PNO1: variants seen among roughly 807,000 people sequenced by gnomAD.
The protein encoded by PNO1 is RNA-binding protein PNO1.
In PNO1, 16 loss-of-function variants were observed where a neutral mutation model predicts 28.4. The observed-to-expected ratio is 0.56, with a 90% CI of 0.38 to 0.85. PNO1 has a LOEUF of 0.85. Ranked by LOEUF, PNO1 falls within the 40% of genes least tolerant of loss-of-function variation. PNO1 has a pLI of 0.00. For synonymous variants in PNO1, 115 were observed against 110.8 expected (o/e 1.04, Z -0.24); for missense variants, 304 against 312.2 (o/e 0.97, Z 0.20).
At chr2:68,165,598 C>T (rs928189210) in intron 5 of PNO1, among the ~76,000 whole-genome samples, 12 of 140,932 alleles carry the variant, frequency 8.5e-5, no homozygotes, top group Non-Finnish European at 1.5e-4. Context: ...CCTGTAATTT[C>T]AGCACTTTGG....
chr2:68,162,433 A>G, intron 4 of PNO1, 108 bp downstream of exon 4: 1 of 1,001,728 alleles, frequency 1.0e-6, no homozygotes, highest in Non-Finnish European at 1.5e-6. Context: ...ACTTATATAT[A>G]TATATATACA....
intron 5 of PNO1, among the ~76,000 whole-genome samples, chr2:68,172,032 G>A (rs933699161): frequency 2.6e-5 from 4 of 152,148 alleles, no homozygotes; most frequent in African/African-American, 9.7e-5. Flanking sequence ...GACCATGGAT[G>A]GAAGAGGCTG....
intron 5 of PNO1, among the ~76,000 whole-genome samples, chr2:68,172,686 C>G (rs538793006): frequency 6.6e-6 from 1 of 152,192 alleles, no homozygotes; most frequent in Non-Finnish European, 1.5e-5. Flanking sequence ...TATTCAGTAA[C>G]CAGCTCTGCC....
chr2:68,174,079 C>G (rs1674204824), intron 6 of PNO1, among the ~76,000 whole-genome samples: 1 of 152,170 alleles, frequency 6.6e-6, no homozygotes. Context: ...AATTGATCCA[C>G]TTAACCCATT....
At chr2:68,173,084 T>C (rs1674174644) in intron 5 of PNO1, 1 of 35,326 alleles carries the variant, frequency 2.8e-5, no homozygotes, top group Admixed American at 3.4e-4. Context: ...CTACAATGTC[T>C]TTTTTTTTTT....
chr2:68,174,506 A>C (rs1187094998), intron 6 of PNO1, among the ~76,000 whole-genome samples: 3 of 152,196 alleles, frequency 2.0e-5, no homozygotes, highest in African/African-American at 7.2e-5. Flanking sequence ...TACTATTTAC[A>C]TAGCATTTGC....
In PNO1 at chr2:68,166,270, C is replaced by G. The variant is rs1673993871; in HGVS notation, c.620+3607C>G. On this transcript the variant is annotated intron_variant, in intron 5 of 6. Coordinates refer to ENST00000263657, the MANE Select transcript of PNO1 (RefSeq NM_020143.4). ...AAATCCATGTATGTATGACTTGACTCTCCCAAAACTTAACTACTCCTGCTT... is the reference window on the plus strand; with the variant it reads ...AAATCCATGTATGTATGACTTGACTGTCCCAAAACTTAACTACTCCTGCTT... 2.6e-5 allele frequency among the ~76,000 whole-genome samples: 4 copies of G among 152,204 alleles called. No homozygotes were observed. The South Asian group carries it at 8.3e-4, about 32-fold the overall frequency.
Position 68,158,198 on chromosome 2 carries a change from CGAT to C in PNO1, c.207+59_207+61del. The C allele has an allele frequency of 4.0e-6, 6 of 1,497,720 alleles. 1 individual carries two copies. In the South Asian group the frequency reaches 7.7e-5, roughly 19 times the overall value. The allele number at this position is 1,497,720 out of a possible 1,614,324, so 92.8% of individuals were successfully genotyped here. ...GGCAAGGGCCAGACGCGGATCAAGCCGATGGCCTCTGGAGAATGTTGAAGCTGC... is the reference window on the plus strand; with the variant it reads ...GGCAAGGGCCAGACGCGGATCAAGCCGGCCTCTGGAGAATGTTGAAGCTGC... On this transcript the variant is annotated intron_variant, in intron 1 of 6. Transcript: ENST00000263657.
chr2:68,157,893 T>G lies in PNO1; in HGVS notation c.-42T>G, dbSNP rs745553956. On this transcript the variant is annotated 5_prime_UTR_variant, in exon 1 of 7. Transcript: ENST00000263657. Reference sequence around the variant, plus strand: ...GAGGCTGGCTTCTGCGTGGTGCAGCTGCGCACGTGTTTCAGCCGGCAGCGC... The same window carrying G: ...GAGGCTGGCTTCTGCGTGGTGCAGCGGCGCACGTGTTTCAGCCGGCAGCGC... The G allele has an allele frequency of 6.4e-7, 1 of 1,574,020 alleles. No homozygotes were observed. The highest frequency in any genetic ancestry group is 1.3e-5 in the African/African-American group (1 of 74,192).
chr2:68,167,791 C>G (rs781243087), intron 5 of PNO1, among the ~76,000 whole-genome samples: 1 of 152,234 alleles, frequency 6.6e-6, no homozygotes, highest in Non-Finnish European at 1.5e-5. Flanking sequence ...AAAGCCACCT[C>G]TTTCTAACAT....
At position 68,162,615 on chromosome 2, in the gene PNO1, A is replaced by C; in HGVS notation, c.572A>C (p.Lys191Thr). ...GRIAGKGGKT[K>T]FTIENVTRTR... ...ATCGCTGGCAAAGGAGGAAAAACCA[A>C]ATTCACCATAGAGAATGTGACACGG... is the stretch of plus-strand genomic sequence containing the variant. Residue 191 changes from lysine (K) to threonine (T), a missense_variant, in exon 5 of 7, where the codon AAA becomes ACA. Transcript: ENST00000263657. 6.2e-7 allele frequency: 1 copy of C among 1,613,822 alleles called. No individual in the cohort carries two copies. Among genetic ancestry groups the C allele is most frequent in the Non-Finnish European group, 8.5e-7 (1 of 1,179,732 alleles).
At chr2:68,170,832 T>C (rs1674114342) in intron 5 of PNO1, among the ~76,000 whole-genome samples, 1 of 152,182 alleles carries the variant, frequency 6.6e-6, no homozygotes, top group Admixed American at 6.5e-5. Context: ...TTCAACTCTT[T>C]TAGCTTATCT....
chr2:68,161,588 C>A, intron 2 of PNO1, 95 bp from the exon 3 acceptor site: 2 of 791,032 alleles, frequency 2.5e-6, no homozygotes, highest in Admixed American at 2.1e-5. Flanking sequence ...GAAGGAAATT[C>A]TCCAATAATG....
rs1252506501 is a variant in PNO1, at chr2:68,158,061, G to T, written c.127G>T (p.Asp43Tyr). 6.2e-7 allele frequency: 1 copy of T among 1,613,926 alleles called. No individual in the cohort carries two copies. Among genetic ancestry groups the T allele is most frequent in the Admixed American group, 1.7e-5 (1 of 60,008 alleles). ...EQLSAAGEGGDAGRMDTEEAR... is the reference protein window; with the variant it reads ...EQLSAAGEGGYAGRMDTEEAR... ...GCTGTCCGCAGCAGGAGAGGGCGGG[G>T]ATGCGGGCCGCATGGACACAGAGGA... Residue 43 changes from aspartate to tyrosine, a missense_variant, in exon 1 of 7, where the codon GAT becomes TAT. By Grantham distance (160) the Asp-to-Tyr change is radical (BLOSUM62 -3). Transcript: ENST00000263657.
chr2:68,165,746 T>C (rs1156409678), intron 5 of PNO1, among the ~76,000 whole-genome samples: 1 of 152,180 alleles, frequency 6.6e-6, no homozygotes, highest in Admixed American at 6.5e-5. Flanking sequence ...TAGTCTGTCA[T>C]TAAGTTTATT....
intron 5 of PNO1, among the ~76,000 whole-genome samples, chr2:68,165,377 A>AACC (rs1553401402): frequency 1.6e-5 from 1 of 61,800 alleles, no homozygotes; most frequent in East Asian, 6.3e-4. Flanking sequence ...AAAAAAAAAA[A>AACC]AACAACAAAA....
chr2:68,161,664 CTT>C lies in PNO1; in HGVS notation c.358-14_358-13del. 1 of 1,489,100 alleles carries C rather than the reference CTT, an allele frequency of 6.7e-7. No individual in the cohort carries two copies. The highest frequency in any genetic ancestry group is 9.4e-7 in the Non-Finnish European group (1 of 1,068,356). 92.2% of individuals were successfully genotyped at this position (1,489,100 alleles called of 1,614,324 possible). ...TTGATTCTCAACGGTATTTTGTACCCTTTTTTGTTTTTTAACAGACTTGTAAA... is the reference window on the plus strand; with the variant it reads ...TTGATTCTCAACGGTATTTTGTACCCTTTTGTTTTTTAACAGACTTGTAAA... On this transcript the variant is annotated splice_polypyrimidine_tract_variant and intron_variant, in intron 2 of 6. Transcript: ENST00000263657.
Position 68,174,939 on chromosome 2 carries a change from T to C in PNO1, c.*137T>C, listed in dbSNP as rs1674235600. ...CTTCTTCCATTCTCAGCCAGAAGCA[T>C]AAACAGAAAAGAAAGATTTAAGAGG... On this transcript the variant is annotated 3_prime_UTR_variant, in exon 7 of 7. Coordinates refer to ENST00000263657, the MANE Select transcript of PNO1 (RefSeq NM_020143.4). The C allele has an allele frequency of 1.8e-6, 1 of 546,212 alleles. No homozygotes were observed. The allele number at this position is 546,212 out of a possible 1,614,324, so 33.8% of individuals were successfully genotyped here.
chr2:68,163,557 A>G (rs1027676979), intron 5 of PNO1, among the ~76,000 whole-genome samples: 5 of 149,070 alleles, frequency 3.4e-5, no homozygotes, highest in African/African-American at 7.5e-5. Flanking sequence ...ACATACATAC[A>G]TACATACATA....
Sources: gnomAD v4.1 joint callset for allele counts (sites outside exome capture counted in the v4.1 genomes callset) on GRCh38, gnomAD v4.1.1 for gene constraint, MANE v1.5 for transcripts, NCBI Gene and HGNC (gene_info 2026-07-23, HGNC 2026-07-21) for gene names.